The following UMAD1 variants were observed in gnomAD, a reference collection of about 807,000 sequenced individuals.
UMAD1 encodes the protein UBAP1-MVB12-associated (UMA) domain containing 1.
UMAD1 carries 8 observed loss-of-function variants against 6.1 expected under a neutral mutation model. The ratio of observed to expected loss-of-function variants is 1.30; its 90% CI spans 0.76 to 2.35. The LOEUF (loss-of-function observed/expected upper bound fraction) is 2.35, where lower values mean the gene tolerates loss of function less well. Among genes scored for constraint, UMAD1 ranks in the 30% most tolerant of loss-of-function variants. UMAD1 has a pLI of 0.00. For missense variants in UMAD1, 130 were observed against 78.4 expected (o/e 1.66, Z -2.49); for synonymous variants, 56 against 31.4 (o/e 1.78, Z -2.61).
At chr7:7,721,453 C>T (rs1404210713) in intron 2 of UMAD1, among the ~76,000 whole-genome samples, 2 of 152,084 alleles carry the variant, frequency 1.3e-5, no homozygotes, top group East Asian at 1.9e-4. Flanking sequence ...TAATTGTGAG[C>T]CGTAGGGGAT....
chr7:7,794,965 G>T (rs1481368568), intron 2 of UMAD1, among the ~76,000 whole-genome samples: 1 of 152,146 alleles, frequency 6.6e-6, no homozygotes. Flanking sequence ...CTTAACTCAA[G>T]CATTTACTTC....
chr7:7,787,345 T>C (rs1782480774), intron 2 of UMAD1, among the ~76,000 whole-genome samples: 1 of 152,182 alleles, frequency 6.6e-6, no homozygotes, highest in South Asian at 2.1e-4. Context: ...CTGAAATGAC[T>C]CCAGATTTTT....
rs34066826 is a variant in UMAD1 at position 7,830,903 on chromosome 7, C to G, written c.156+29160C>G. ...TTTGTTATTAGTTTTTATGAATAAG[C>G]CAATCACCCAAACATTTCCTCATGT... On this transcript the variant is annotated intron_variant, in intron 3 of 3. Transcript: ENST00000682710. The surrounding 1 kb of genome is among the most constrained non-coding windows in gnomAD (Gnocchi z 5.3). Among the ~76,000 whole-genome samples, 63,469 of 151,858 alleles carry G rather than the reference C, an allele frequency of 0.42. 13,690 individuals carry two copies. Among genetic ancestry groups the G allele is most frequent in the East Asian group, 0.58 (2,995 of 5,168 alleles).
At chr7:7,870,717 A>G (rs1197539510) in intron 3 of UMAD1, among the ~76,000 whole-genome samples, 2 of 152,088 alleles carry the variant, frequency 1.3e-5, no homozygotes, top group Non-Finnish European at 2.9e-5. Context: ...GTTTTGGCTT[A>G]TATTTCTCCC....
intron 3 of UMAD1, among the ~76,000 whole-genome samples, chr7:7,819,075 C>T (rs966910208): frequency 6.6e-6 from 1 of 152,134 alleles, no homozygotes; most frequent in Non-Finnish European, 1.5e-5. Flanking sequence ...GTCTCGAACT[C>T]CTGACCCCAG....
chr7:7,751,894 T>C (rs1225497183), intron 2 of UMAD1, among the ~76,000 whole-genome samples: 1 of 152,202 alleles, frequency 6.6e-6, no homozygotes, highest in East Asian at 1.9e-4. Context: ...TGACGGTCCT[T>C]CTATCACATT....
intron 3 of UMAD1, among the ~76,000 whole-genome samples, chr7:7,825,815 C>T (rs572094598): frequency 9.2e-5 from 14 of 152,194 alleles, no homozygotes; most frequent in South Asian, 2.1e-4. Flanking sequence ...GTGCCTATAA[C>T]GTGTATAATT....
intron 1 of UMAD1, among the ~76,000 whole-genome samples, chr7:7,662,520 A>G (rs918809486): frequency 6.6e-5 from 10 of 152,152 alleles, no homozygotes; most frequent in South Asian, 2.1e-4. Context: ...ACCGGAGTGC[A>G]CTGTTCCTCA....
intron 3 of UMAD1, among the ~76,000 whole-genome samples, chr7:7,864,213 A>G (rs911292420): frequency 3.9e-5 from 6 of 152,244 alleles, no homozygotes; most frequent in Admixed American, 3.3e-4. Flanking sequence ...TGATTGATAG[A>G]AATAAGAGTT....
At chr7:7,855,388 G>C (rs1783996722) in intron 3 of UMAD1, among the ~76,000 whole-genome samples, 1 of 152,198 alleles carries the variant, frequency 6.6e-6, no homozygotes, top group Non-Finnish European at 1.5e-5. Context: ...TACATCCTTT[G>C]AAATCTAGGC....
chr7:7,650,212 G>A (rs1031198765), intron 1 of UMAD1, among the ~76,000 whole-genome samples: 4 of 152,106 alleles, frequency 2.6e-5, no homozygotes, highest in East Asian at 1.9e-4. Context: ...TTACGTTCTT[G>A]TAACTCTGCC....
At chr7:7,870,933 C>T (rs1047511825) in intron 3 of UMAD1, among the ~76,000 whole-genome samples, 2 of 152,210 alleles carry the variant, frequency 1.3e-5, no homozygotes, top group Non-Finnish European at 2.9e-5. Context: ...TATTGTTAAA[C>T]TAATTTTTAA....
intron 2 of UMAD1, among the ~76,000 whole-genome samples, chr7:7,790,803 A>C (rs989508812): frequency 6.6e-6 from 1 of 152,214 alleles, no homozygotes; most frequent in African/African-American, 2.4e-5. Flanking sequence ...CTCTGTCTTC[A>C]TCTAGTTATC....
chr7:7,736,237 A>G (rs984389515), intron 2 of UMAD1: 2 of 152,294 alleles, frequency 1.3e-5, no homozygotes, highest in African/African-American at 4.8e-5. Context: ...TTAGTTTTTG[A>G]AAGTGTCTGC....
chr7:7,865,549 C>T (rs1370788501), intron 3 of UMAD1, among the ~76,000 whole-genome samples: 1 of 152,166 alleles, frequency 6.6e-6, no homozygotes, highest in African/African-American at 2.4e-5. Context: ...AGATATGAGG[C>T]TTTTCCTCTA....
chr7:7,645,348 G>C (rs1390742099), intron 1 of UMAD1, among the ~76,000 whole-genome samples: 1 of 152,194 alleles, frequency 6.6e-6, no homozygotes, highest in Non-Finnish European at 1.5e-5. Flanking sequence ...TGTGAAAGAA[G>C]TCCACAGCTG....
intron 2 of UMAD1, chr7:7,740,955 C>G (rs1407052478): frequency 6.6e-6 from 1 of 152,098 alleles, no homozygotes; most frequent in African/African-American, 2.4e-5. Context: ...CATGTCTGCC[C>G]TTTGTGGGAA....
At chr7:7,758,170 G>C (rs1443421742) in intron 2 of UMAD1, among the ~76,000 whole-genome samples, 1 of 152,046 alleles carries the variant, frequency 6.6e-6, no homozygotes, top group East Asian at 1.9e-4. Context: ...AAGCCTCCCA[G>C]TGTGCTATGG....
At chr7:7,775,080 T>G (rs1175370364) in intron 2 of UMAD1, among the ~76,000 whole-genome samples, 6 of 152,252 alleles carry the variant, frequency 3.9e-5, no homozygotes, top group Non-Finnish European at 7.3e-5. Context: ...TTCTTCCATT[T>G]TCACTGCCAA....
Sources: gnomAD v4.1 joint callset for allele counts (sites outside exome capture counted in the v4.1 genomes callset) on GRCh38, gnomAD v4.1.1 for gene constraint, Gnocchi (gnomAD v3.1) non-coding constraint, MANE v1.5 for transcripts, NCBI Gene and HGNC (gene_info 2026-07-23, HGNC 2026-07-21) for gene names.